The following ADGRF1 variants were observed in gnomAD, a reference collection of about 807,000 sequenced individuals.
ADGRF1 encodes adhesion G protein-coupled receptor F1, also known as G protein-coupled receptor 110.
A neutral mutation model predicts 87.2 loss-of-function variants in ADGRF1; 85 were observed. That is an observed-to-expected ratio of 0.97 (90% CI 0.82 to 1.17). ADGRF1 has a LOEUF of 1.17. Ranked by LOEUF, ADGRF1 falls within the 50% of genes most tolerant of loss-of-function variation. The probability of loss-of-function intolerance (pLI) is 0.00; values close to 1 mark genes in which losing one functional copy is unlikely to be tolerated. For missense variants in ADGRF1, 1,169 were observed against 1,077.2 expected (o/e 1.09, Z -1.19); for synonymous variants, 430 against 408.8 (o/e 1.05, Z -0.63).
rs914365685 is a variant in ADGRF1 at position 47,020,080 on chromosome 6, C to A, written c.611+651G>T. 5.0e-6 allele frequency: 5 copies of A among 1,009,942 alleles called. No homozygotes were observed. The African/African-American group carries it at 8.6e-5, about 17-fold the overall frequency. The allele number at this position is 1,009,942 out of a possible 1,614,324, so 62.6% of individuals were successfully genotyped here. ...GACAACCCGCAACCCTTATCCCCAA[C>A]CCTCACTTTTTCCCATCCACTGTCA... On this transcript the variant is annotated intron_variant, in intron 7 of 14. Coordinates refer to ENST00000371253, the MANE Select transcript of ADGRF1 (RefSeq NM_153840.4).
At chr6:47,033,170 C>A (rs993748913) in intron 1 of ADGRF1, among the ~76,000 whole-genome samples, 1 of 152,212 alleles carries the variant, frequency 6.6e-6, no homozygotes, top group African/African-American at 2.4e-5. Context: ...GCCAGTGATG[C>A]CTGAGCTGCA....
At chr6:47,040,191 G>A (rs1006001950) in intron 1 of ADGRF1, among the ~76,000 whole-genome samples, 2 of 151,124 alleles carry the variant, frequency 1.3e-5, no homozygotes, top group South Asian at 2.1e-4. Flanking sequence ...GTGGCTGAGC[G>A]TGGTGGCTCA....
intron 1 of ADGRF1, among the ~76,000 whole-genome samples, chr6:47,031,359 C>G (rs868491311): frequency 4.2e-5 from 6 of 143,438 alleles, no homozygotes; most frequent in African/African-American, 1.4e-4. Context: ...CTGTCTCTCT[C>G]TCTCTCTCTC....
intron 4 of ADGRF1, 139 bp downstream of exon 4, chr6:47,025,715 A>G (rs1780208198): frequency 6.3e-6 from 5 of 799,904 alleles, no homozygotes; most frequent in Admixed American, 2.6e-5. Flanking sequence ...GACATGTAGC[A>G]TGAAGAAGAT....
In ADGRF1 at chr6:47,031,935, T is replaced by C. The variant is rs78340885; in HGVS notation, c.-43-2831A>G. Among the ~76,000 whole-genome samples, 34 of 152,192 alleles carry C rather than the reference T, an allele frequency of 2.2e-4. No homozygotes were observed. The East Asian group carries it at 6.4e-3, about 29-fold the overall frequency. Reference sequence around the variant, plus strand: ...TATATTGTCCAAGCTGGTCTTAAACTCCTGGGCTTAAGCAATTCTCCCACC... The same window carrying C: ...TATATTGTCCAAGCTGGTCTTAAACCCCTGGGCTTAAGCAATTCTCCCACC... On this transcript the variant is annotated intron_variant, in intron 1 of 14. Coordinates refer to ENST00000371253, the MANE Select transcript of ADGRF1 (RefSeq NM_153840.4).
intron 7 of ADGRF1, chr6:47,017,411 C>G (rs1561872187): frequency 6.6e-6 from 1 of 152,206 alleles, no homozygotes; most frequent in African/African-American, 2.4e-5. Context: ...ACAGGGAACT[C>G]AGTTAGGAAA....
intron 8 of ADGRF1, among the ~76,000 whole-genome samples, chr6:47,015,745 G>C (rs565545099): frequency 8.1e-6 from 1 of 124,034 alleles, no homozygotes; most frequent in Non-Finnish European, 1.8e-5. Context: ...GTGCCACCAC[G>C]CCTGGCTAAT....
At chr6:47,005,779 C>A in intron 13 of ADGRF1, 38 bp downstream of exon 13, 1 of 1,494,352 alleles carries the variant, frequency 6.7e-7, no homozygotes, top group Non-Finnish European at 9.3e-7. Context: ...AAAACTGGAA[C>A]TTCATGTATT....
chr6:47,032,088 G>A (rs116303146), intron 1 of ADGRF1, among the ~76,000 whole-genome samples: 2,242 of 152,190 alleles, frequency 0.015, 47 homozygotes, highest in African/African-American at 0.051. Context: ...ACTGTTTTAA[G>A]TATAGGAAAA....
In ADGRF1 at chr6:47,035,101, T is replaced by C. The variant is rs917340325; in HGVS notation, c.-43-5997A>G. 3.3e-5 allele frequency among the ~76,000 whole-genome samples: 5 copies of C among 152,340 alleles called. No individual in the cohort carries two copies. In the East Asian group the frequency reaches 9.7e-4, roughly 29 times the overall value. ...CCCACAGAAGACCAGTCCAGCTCGT[T>C]TCCACTGTAAAAGGCTTAGCTGCAA... On this transcript the variant is annotated intron_variant, in intron 1 of 14. Transcript: ENST00000371253.
chr6:47,015,596 A>G (rs1345162600), intron 8 of ADGRF1, among the ~76,000 whole-genome samples: 2 of 150,550 alleles, frequency 1.3e-5, no homozygotes, highest in African/African-American at 4.9e-5. Context: ...TTATTTATTT[A>G]TTTATTTTTG....
At chr6:47,033,929 G>A (rs767463271) in intron 1 of ADGRF1, among the ~76,000 whole-genome samples, 1 of 152,174 alleles carries the variant, frequency 6.6e-6, no homozygotes, top group Non-Finnish European at 1.5e-5. Context: ...TTATATGAGC[G>A]AGACAAACTT....
chr6:47,038,937 G>A (rs12200682), intron 1 of ADGRF1, among the ~76,000 whole-genome samples: 3,244 of 152,278 alleles, frequency 0.021, 50 homozygotes, highest in Non-Finnish European at 0.035. Flanking sequence ...GCTGCATGCA[G>A]TACAAACACA....
chr6:47,020,286 A>G, intron 7 of ADGRF1: 1 of 1,123,504 alleles, frequency 8.9e-7, no homozygotes, highest in Non-Finnish European at 1.2e-6. Flanking sequence ...TGAGGTCAGG[A>G]GTTTGAGACC....
intron 9 of ADGRF1, 149 bp from the exon 10 acceptor site, chr6:47,012,344 A>G: frequency 1.5e-6 from 2 of 1,358,228 alleles, no homozygotes; most frequent in Non-Finnish European, 9.6e-7. Context: ...AAAGGCTGTT[A>G]TTCAGTGATT....
At chr6:47,018,384 G>T in intron 7 of ADGRF1, 1 of 1,267,298 alleles carries the variant, frequency 7.9e-7, no homozygotes, top group Non-Finnish European at 1.0e-6. Flanking sequence ...CTAATTGATC[G>T]GAAGTTCCGC....
intron 1 of ADGRF1, among the ~76,000 whole-genome samples, chr6:47,036,266 A>T (rs9463285): frequency 0.09 from 13,708 of 151,958 alleles, 1,410 homozygotes; most frequent in African/African-American, 0.25. Flanking sequence ...AAACAAACAA[A>T]AAACAGCTAC....
At chr6:47,031,883 AT>A (rs909136748) in intron 1 of ADGRF1, among the ~76,000 whole-genome samples, 6 of 151,692 alleles carry the variant, frequency 4.0e-5, no homozygotes, top group Admixed American at 3.3e-4. Flanking sequence ...AATTCTTTTA[AT>A]TTTTTTTGTA....
At chr6:47,022,355 A>G (rs538138205) in intron 5 of ADGRF1, among the ~76,000 whole-genome samples, 5 of 152,348 alleles carry the variant, frequency 3.3e-5, no homozygotes, top group Non-Finnish European at 4.4e-5. Context: ...TCTGAAATGT[A>G]TCTTCATCTG....
Sources: allele counts gnomAD v4.1 joint callset (sites outside exome capture counted in the v4.1 genomes callset), GRCh38; gene constraint gnomAD v4.1.1; transcripts MANE v1.5; gene names NCBI Gene and HGNC (gene_info 2026-07-23, HGNC 2026-07-21).